Variants in SPIDR observed in about 807,000 individuals in gnomAD.
SPIDR encodes the protein scaffold protein involved in DNA repair, also known as DNA repair-scaffolding protein.
Under a neutral mutation model 104.6 loss-of-function variants are expected in SPIDR, and 93 were observed. That is an observed-to-expected ratio of 0.89 (90% CI 0.75 to 1.06). SPIDR has a LOEUF of 1.06. Among genes scored for constraint, SPIDR ranks in the 50% least tolerant of loss-of-function variants. SPIDR has a pLI of 0.00. For missense variants in SPIDR, 1,154 were observed against 1,111.2 expected (o/e 1.04, Z -0.55); for synonymous variants, 431 against 416.9 (o/e 1.03, Z -0.41).
At chr8:47,695,939 C>T (rs926363942) in intron 11 of SPIDR, among the ~76,000 whole-genome samples, 2 of 152,148 alleles carry the variant, frequency 1.3e-5, no homozygotes, top group Non-Finnish European at 1.5e-5. Flanking sequence ...TCTGAGACTC[C>T]TCTTGGGCGT....
chr8:47,511,880 C>T lies in SPIDR; in HGVS notation c.1097+71338C>T. On this transcript the variant is annotated intron_variant, in intron 8 of 19. Coordinates refer to ENST00000297423, the MANE Select transcript of SPIDR (RefSeq NM_001080394.4). The stretch of plus-strand genomic sequence containing the variant: ...CCGGCATAAAACCTCTGGCCTTCCT[C>T]CTCTTCCTCATCCTCATCTTGGTCA... The T allele has an allele frequency of 3.7e-6, 3 of 807,506 alleles. 1 individual carries two copies. The highest frequency in any genetic ancestry group is 6.7e-6 in the Non-Finnish European group (3 of 444,938). 50.0% of individuals were successfully genotyped at this position (807,506 alleles called of 1,614,324 possible).
intron 16 of SPIDR, among the ~76,000 whole-genome samples, chr8:47,717,279 C>T (rs1351103368): frequency 6.6e-6 from 1 of 152,198 alleles, no homozygotes; most frequent in Non-Finnish European, 1.5e-5. Context: ...TTCTCCCACC[C>T]CCTCAGCTCT....
At chr8:47,624,141 G>A (rs2065608498) in intron 10 of SPIDR, among the ~76,000 whole-genome samples, 1 of 151,940 alleles carries the variant, frequency 6.6e-6, no homozygotes, top group Admixed American at 6.6e-5. Context: ...TGACTACTGG[G>A]TACATAACGA....
intron 7 of SPIDR, among the ~76,000 whole-genome samples, chr8:47,439,850 A>G (rs2069062429): frequency 6.6e-6 from 1 of 152,202 alleles, no homozygotes; most frequent in Non-Finnish European, 1.5e-5. Flanking sequence ...TTCAACTGTT[A>G]GCCTTTCTGA....
At chr8:47,678,697 C>T (rs1259622208) in intron 11 of SPIDR, among the ~76,000 whole-genome samples, 2 of 152,108 alleles carry the variant, frequency 1.3e-5, no homozygotes, top group East Asian at 1.9e-4. Context: ...GCTCCCAGGC[C>T]CACACAGCCA....
chr8:47,396,742 G>A, intron 6 of SPIDR, 116 bp downstream of exon 6: 4 of 1,092,332 alleles, frequency 3.7e-6, no homozygotes, highest in Non-Finnish European at 5.2e-6. Flanking sequence ...TTCTGGAGCT[G>A]ATTAATGGAA....
chr8:47,341,965 T>C (rs563613419), intron 5 of SPIDR, among the ~76,000 whole-genome samples: 2 of 152,224 alleles, frequency 1.3e-5, no homozygotes, highest in Non-Finnish European at 2.9e-5. Context: ...CCAATGTATT[T>C]GCTGCAGCTC....
chr8:47,731,468 A>T (rs2085221928), intron 19 of SPIDR, among the ~76,000 whole-genome samples: 1 of 152,190 alleles, frequency 6.6e-6, no homozygotes, highest in African/African-American at 2.4e-5. Context: ...AGCCTCCCGC[A>T]TTCTCACATT....
At chr8:47,518,122 T>C (rs995333125) in intron 8 of SPIDR, among the ~76,000 whole-genome samples, 9 of 152,360 alleles carry the variant, frequency 5.9e-5, no homozygotes, top group Middle Eastern at 6.8e-3. Context: ...TTCACAGATA[T>C]TCTCCATGTG....
At chr8:47,455,984 G>A (rs1373524457) in intron 8 of SPIDR, among the ~76,000 whole-genome samples, 1 of 152,052 alleles carries the variant, frequency 6.6e-6, no homozygotes, top group Non-Finnish European at 1.5e-5. Context: ...GGATTCAACA[G>A]CTGTATAAAC....
intron 15 of SPIDR, 96 bp downstream of exon 15, chr8:47,712,968 C>T (rs1205632378): frequency 2.3e-5 from 35 of 1,553,728 alleles, no homozygotes; most frequent in South Asian, 1.2e-4. Context: ...GTTGCTTGGA[C>T]GCTGCCGGCA....
chr8:47,377,348 TAGA>T (rs1477518035), intron 5 of SPIDR, among the ~76,000 whole-genome samples: 2 of 152,184 alleles, frequency 1.3e-5, no homozygotes, highest in East Asian at 1.9e-4. Flanking sequence ...AGTGCTTTGC[TAGA>T]AGGAGTCCTA....
chr8:47,555,172 G>T (rs1251825955), intron 8 of SPIDR, among the ~76,000 whole-genome samples: 1 of 151,972 alleles, frequency 6.6e-6, no homozygotes, highest in African/African-American at 2.4e-5. Context: ...TTTCCCAAAG[G>T]GTAGATTTTA....
chr8:47,294,104 G>GTT, intron 5 of SPIDR, 74 bp downstream of exon 5: 30 of 1,192,332 alleles, frequency 2.5e-5, no homozygotes, highest in Middle Eastern at 2.4e-4. Context: ...TTTTTTTTTT[G>GTT]TTTTTTTTTT....
intron 5 of SPIDR, among the ~76,000 whole-genome samples, chr8:47,322,449 A>C (rs2046844558): frequency 6.6e-6 from 1 of 152,198 alleles, no homozygotes; most frequent in Non-Finnish European, 1.5e-5. Context: ...CAGGTGCTGG[A>C]GAGGATGTGG....
intron 5 of SPIDR, among the ~76,000 whole-genome samples, chr8:47,313,538 T>TCTTCA (rs1224682770): frequency 1.2e-4 from 19 of 152,230 alleles, no homozygotes; most frequent in Admixed American, 1.2e-3. Flanking sequence ...CCAATGACTC[T>TCTTCA]CTTCACAGAA....
At chr8:47,415,926 G>A (rs183634134) in intron 7 of SPIDR, among the ~76,000 whole-genome samples, 3 of 152,278 alleles carry the variant, frequency 2.0e-5, no homozygotes, top group Admixed American at 6.5e-5. Context: ...CCTCCCTGAT[G>A]CCTTGCAGCC....
chr8:47,321,688 C>A (rs1475738642), intron 5 of SPIDR, among the ~76,000 whole-genome samples: 1 of 152,184 alleles, frequency 6.6e-6, no homozygotes, highest in African/African-American at 2.4e-5. Context: ...TACCTGACTT[C>A]AAACTATACT....
At chr8:47,268,109 G>T (rs1554548084) in intron 1 of SPIDR, among the ~76,000 whole-genome samples, 1 of 152,138 alleles carries the variant, frequency 6.6e-6, no homozygotes, top group Non-Finnish European at 1.5e-5. Context: ...TCCTTGAATT[G>T]TCTTGGCACT....
Sources: allele counts gnomAD v4.1 joint callset (sites outside exome capture counted in the v4.1 genomes callset), GRCh38; gene constraint gnomAD v4.1.1; transcripts MANE v1.5; gene names NCBI Gene and HGNC (gene_info 2026-07-23, HGNC 2026-07-21).